The following CUX2 variants were observed in gnomAD, a reference collection of about 807,000 sequenced individuals.
The protein encoded by CUX2 is cut like homeobox 2.
In CUX2, 40 loss-of-function variants were observed where a neutral mutation model predicts 144.8. That is an observed-to-expected ratio of 0.28 (90% CI 0.21 to 0.36). CUX2 has a LOEUF of 0.36. Ranked by LOEUF, CUX2 falls within the 10% of genes least tolerant of loss-of-function variation. CUX2 has a pLI of 1.00. For synonymous variants in CUX2, 827 were observed against 875.6 expected, an observed-to-expected ratio of 0.94 and a Z score of 0.98; for missense variants, 1,615 against 1,994.0, an observed-to-expected ratio of 0.81 and a Z score of 3.62.
chr12:111,326,910 GAAAC>G (rs1025700950), intron 18 of CUX2, among the ~76,000 whole-genome samples: 5 of 152,208 alleles, frequency 3.3e-5, no homozygotes, highest in East Asian at 1.9e-4. Flanking sequence ...CTCAAACAAA[GAAAC>G]AAACAAACAA....
chr12:111,259,932 C>T (rs971435139), intron 3 of CUX2, among the ~76,000 whole-genome samples: 1 of 151,952 alleles, frequency 6.6e-6, no homozygotes, highest in African/African-American at 2.4e-5. Context: ...GAGGCCGAGG[C>T]GGGTGGATTG....
At position 111,077,490 on chromosome 12, in the gene CUX2, G is replaced by A. The variant is rs754715704; in HGVS notation, c.63+43250G>A. Among the ~76,000 whole-genome samples the A allele has an allele frequency of 1.3e-5, 2 of 152,162 alleles. No individual in the cohort carries two copies. The highest frequency in any genetic ancestry group is 1.9e-4 in the East Asian group (1 of 5,196). On this transcript the variant is annotated intron_variant, in intron 1 of 21. Transcript: ENST00000261726. This position sits in a 1 kb window ranked among gnomAD's most constrained non-coding sequence, Gnocchi z 4.1. ...GGTCTTGGACCACTGAATAATTTAC[G>A]GTCCCTCGGAGCGGCGAGGAGCAGG...
intron 1 of CUX2, among the ~76,000 whole-genome samples, chr12:111,196,281 CT>C (rs1227428728): frequency 2.0e-5 from 3 of 152,186 alleles, no homozygotes; most frequent in African/African-American, 7.2e-5. Flanking sequence ...GTTGTTTGTA[CT>C]TTTTGGCTGT....
intron 8 of CUX2, among the ~76,000 whole-genome samples, chr12:111,298,065 A>AGTGCTCCCCAC (rs1235268625): frequency 2.0e-5 from 3 of 152,142 alleles, no homozygotes; most frequent in Non-Finnish European, 4.4e-5. Flanking sequence ...TGGGTCACAA[A>AGTGCTCCCCAC]GTGCTCCCCA....
rs140073276 is a variant in CUX2 at position 111,133,704 on chromosome 12, G to A, written c.64-80496G>A. Among the ~76,000 whole-genome samples, 1,135 of 152,294 alleles carry A rather than the reference G, an allele frequency of 7.5e-3. 7 individuals carry two copies. The highest frequency in any genetic ancestry group is 0.024 in the Middle Eastern group (7 of 294). On this transcript the variant is annotated intron_variant, in intron 1 of 21. Coordinates refer to ENST00000261726, the MANE Select transcript of CUX2 (RefSeq NM_015267.4). ...GTCTAGTTACAAGTCTAGAAGCAAAGAGGTGGTTGGGGGCGGGGGTCTTTA... is the reference window on the plus strand; with the variant it reads ...GTCTAGTTACAAGTCTAGAAGCAAAAAGGTGGTTGGGGGCGGGGGTCTTTA...
At chr12:111,047,153 G>A (rs778286504) in intron 1 of CUX2, among the ~76,000 whole-genome samples, 11 of 152,208 alleles carry the variant, frequency 7.2e-5, no homozygotes, top group African/African-American at 2.4e-4. Flanking sequence ...TCCCGGAGCC[G>A]CGTGGCGCGC....
chr12:111,345,398 G>A (rs1410481106), intron 21 of CUX2, among the ~76,000 whole-genome samples: 14 of 137,570 alleles, frequency 1.0e-4, no homozygotes, highest in Admixed American at 9.6e-4. Context: ...AGCCGAGATC[G>A]TGCCCCCACT....
chr12:111,054,148 C>T (rs1042889375), intron 1 of CUX2, among the ~76,000 whole-genome samples: 10 of 152,092 alleles, frequency 6.6e-5, no homozygotes, highest in African/African-American at 1.9e-4. Context: ...AACAAGACTC[C>T]ATCTCAAAAC....
At chr12:111,094,859 C>T (rs753482687) in intron 1 of CUX2, among the ~76,000 whole-genome samples, 4 of 152,192 alleles carry the variant, frequency 2.6e-5, no homozygotes, top group Non-Finnish European at 4.4e-5. Flanking sequence ...GTCTGTCTTG[C>T]TCATTGTGCC....
chr12:111,114,980 G>A (rs1239892518), intron 1 of CUX2, among the ~76,000 whole-genome samples: 1 of 152,152 alleles, frequency 6.6e-6, no homozygotes. Flanking sequence ...GAGCATCTAG[G>A]TGTGGATCTA....
intron 1 of CUX2, among the ~76,000 whole-genome samples, chr12:111,085,315 AC>A (rs1403931956): frequency 6.6e-6 from 1 of 152,218 alleles, no homozygotes; most frequent in Non-Finnish European, 1.5e-5. Flanking sequence ...GGCAGATGCC[AC>A]AAATCAGGGC....
chr12:111,306,084 T>C (rs941720002), intron 10 of CUX2, among the ~76,000 whole-genome samples: 3 of 152,106 alleles, frequency 2.0e-5, no homozygotes, highest in African/African-American at 4.8e-5. Context: ...TGAGAGCCCA[T>C]GAGGATGCCT....
chr12:111,062,833 C>G (rs973680777), intron 1 of CUX2, among the ~76,000 whole-genome samples: 1 of 152,086 alleles, frequency 6.6e-6, no homozygotes, highest in Non-Finnish European at 1.5e-5. Flanking sequence ...AGGGTAGGAG[C>G]GAGATGTGCG....
intron 1 of CUX2, among the ~76,000 whole-genome samples, chr12:111,100,974 C>T (rs1165516186): frequency 6.6e-6 from 1 of 152,198 alleles, no homozygotes; most frequent in Non-Finnish European, 1.5e-5. Flanking sequence ...GGAAAACCCT[C>T]CCCTGTCCCT....
In CUX2 at chr12:111,307,267, G is replaced by A. The variant is rs376440110; in HGVS notation, c.1109+10G>A. 3 of 1,613,624 alleles carry A rather than the reference G, an allele frequency of 1.9e-6. No homozygotes were observed. The South Asian group carries it at 3.3e-5, about 18-fold the overall frequency. ...TTAAAACGGAGCTGAGGTACCATGT[G>A]GGGTGGGGCTCCACAGACCCTCAGT... On this transcript the variant is annotated intron_variant, in intron 12 of 21. Transcript: ENST00000261726. The surrounding 1 kb of genome is among the most constrained non-coding windows in gnomAD (Gnocchi z 4.1).
intron 1 of CUX2, among the ~76,000 whole-genome samples, chr12:111,064,226 C>T (rs1025303667): frequency 2.0e-5 from 3 of 152,098 alleles, no homozygotes; most frequent in African/African-American, 4.8e-5. Context: ...CAGCAGGAGG[C>T]GATGTGGCAG....
intron 1 of CUX2, among the ~76,000 whole-genome samples, chr12:111,211,418 G>A (rs1881219181): frequency 2.0e-5 from 3 of 152,170 alleles, no homozygotes; most frequent in Admixed American, 2.0e-4. Flanking sequence ...GCAGGTGGAG[G>A]GAGTCAGGCA....
In CUX2 at chr12:111,171,386, G is replaced by A. The variant is rs1878510700; in HGVS notation, c.64-42814G>A. On this transcript the variant is annotated intron_variant, in intron 1 of 21. Transcript: ENST00000261726. The surrounding 1 kb of genome is among the most constrained non-coding windows in gnomAD (Gnocchi z 5.0). ...TCCCCTTAATACCCAGACTCACTGC[G>A]GCTTTTCTGAGACCGGCCAGAAGGA... 1.3e-5 allele frequency among the ~76,000 whole-genome samples: 2 copies of A among 152,166 alleles called. No homozygotes were observed. The highest frequency in any genetic ancestry group is 6.5e-5 in the Admixed American group (1 of 15,278).
chr12:111,241,676 T>A (rs1883026490), intron 3 of CUX2, among the ~76,000 whole-genome samples: 1 of 152,290 alleles, frequency 6.6e-6, no homozygotes, highest in Non-Finnish European at 1.5e-5. Context: ...ACATCCCACG[T>A]TGGCCCGACC....
Sources: gnomAD v4.1 joint callset for allele counts (sites outside exome capture counted in the v4.1 genomes callset) on GRCh38, gnomAD v4.1.1 for gene constraint, Gnocchi (gnomAD v3.1) non-coding constraint, MANE v1.5 for transcripts, NCBI Gene and HGNC (gene_info 2026-07-23, HGNC 2026-07-21) for gene names.